TTC7A: variants seen among roughly 807,000 people sequenced by gnomAD.
TTC7A encodes the protein tetratricopeptide repeat protein 7A.
A neutral mutation model predicts 103.7 loss-of-function variants in TTC7A; 110 were observed. That is an observed-to-expected ratio of 1.06 (90% CI 0.91 to 1.24). The LOEUF (loss-of-function observed/expected upper bound fraction) is 1.24. Among genes scored for constraint, TTC7A ranks in the 50% most tolerant of loss-of-function variants. The pLI, the probability that TTC7A is intolerant of heterozygous loss-of-function variation, is 0.00. For synonymous variants in TTC7A, 521 were observed against 467.9 expected (o/e 1.11, Z -1.47); for missense variants, 1,340 against 1,116.3 (o/e 1.20, Z -2.86).
intron 1 of TTC7A, among the ~76,000 whole-genome samples, chr2:46,943,977 G>T (rs1350336158): frequency 6.6e-6 from 1 of 152,218 alleles, no homozygotes; most frequent in Non-Finnish European, 1.5e-5. Context: ...AGGGATGAAA[G>T]ATCAGGAGAT....
chr2:46,936,949 G>T (rs1670009514), upstream of TTC7A, among the ~76,000 whole-genome samples: 3 of 151,820 alleles, frequency 2.0e-5, no homozygotes, highest in South Asian at 6.2e-4. Context: ...CTGCCTCCTG[G>T]GCTCAAGCGA....
In TTC7A at chr2:46,941,624, G is replaced by T. The variant is rs767573424; in HGVS notation, c.83G>T (p.Arg28Leu). The T allele has an allele frequency of 1.3e-6, 2 of 1,555,050 alleles. No homozygotes were observed. Among genetic ancestry groups the T allele is most frequent in the African/African-American group, 1.4e-5 (1 of 73,370 alleles). ...TGCCGCGCCGAGGGCCACTGGGACC[G>T]CATGCCGGAGCTGGTCCGGCAGCTG... ...ERCRAEGHWD[R>L]MPELVRQLQT... is the part of the protein sequence containing the mutation. The change falls in exon 1 of 20, where the codon CGC (arginine) becomes CTC (leucine). Residue 28 changes from arginine to leucine, a missense_variant. Arg to Leu is a moderately radical substitution (Grantham distance 102). Coordinates refer to ENST00000319190, the MANE Select transcript of TTC7A (RefSeq NM_020458.4). This position sits in a 1 kb window ranked among gnomAD's most constrained non-coding sequence, Gnocchi z 4.2.
intron 2 of TTC7A, among the ~76,000 whole-genome samples, chr2:46,919,340 C>G (rs993303567): frequency 6.6e-6 from 1 of 152,144 alleles, no homozygotes; most frequent in Non-Finnish European, 1.5e-5. Flanking sequence ...TCGAGACCAG[C>G]CTGGCCAGCA....
chr2:47,046,160 G>A (rs1008939570), intron 15 of TTC7A, among the ~76,000 whole-genome samples, 155 bp from the exon 16 acceptor site: 5 of 152,232 alleles, frequency 3.3e-5, no homozygotes, highest in African/African-American at 9.6e-5. Flanking sequence ...GAAAGCAAGC[G>A]GTCCAGGGGC....
chr2:46,989,800 G>T (rs183050251), intron 5 of TTC7A, among the ~76,000 whole-genome samples: 1 of 103,852 alleles, frequency 9.6e-6, no homozygotes, highest in Non-Finnish European at 2.0e-5. Flanking sequence ...CTTTAATTGC[G>T]TGTGTGTGTG....
chr2:46,938,562 T>G (rs1311397308), upstream of TTC7A, among the ~76,000 whole-genome samples: 1 of 152,216 alleles, frequency 6.6e-6, no homozygotes, highest in Non-Finnish European at 1.5e-5. Context: ...TTTTTCCTTC[T>G]AGTCCCTGAG....
chr2:47,021,622 T>A (rs1217292957), intron 11 of TTC7A, among the ~76,000 whole-genome samples: 3 of 152,180 alleles, frequency 2.0e-5, no homozygotes, highest in African/African-American at 7.2e-5. Context: ...CACAGGCCCC[T>A]ACAGAGGCCA....
At chr2:46,974,926 A>T in intron 3 of TTC7A, 47 bp from the exon 4 acceptor site, 1 of 1,597,862 alleles carries the variant, frequency 6.3e-7, no homozygotes, top group Non-Finnish European at 8.5e-7. Flanking sequence ...GCCTGGAGTC[A>T]GGGGGCCCGA....
intron 2 of TTC7A, among the ~76,000 whole-genome samples, chr2:46,921,299 C>T (rs1263305788): frequency 1.3e-5 from 2 of 152,112 alleles, no homozygotes; most frequent in African/African-American, 4.8e-5. Context: ...GCTACTAGAG[C>T]TATTGATTTA....
chr2:46,948,389 A>G (rs1671116683), intron 1 of TTC7A, among the ~76,000 whole-genome samples: 2 of 152,204 alleles, frequency 1.3e-5, no homozygotes, highest in South Asian at 4.1e-4. Flanking sequence ...ATTACCCTAG[A>G]GGTTCTACCA....
chr2:46,922,536 T>A (rs1669158405), intron 2 of TTC7A, among the ~76,000 whole-genome samples: 1 of 138,426 alleles, frequency 7.2e-6, no homozygotes, highest in African/African-American at 3.2e-5. Context: ...TCAGGGAAAA[T>A]TTTTTTTTCC....
intron 14 of TTC7A, 27 bp from the exon 15 acceptor site, chr2:47,029,197 G>C (rs769084567): frequency 2.5e-6 from 4 of 1,612,056 alleles, no homozygotes; most frequent in East Asian, 2.2e-5. Flanking sequence ...GCCTGGGGAA[G>C]GCTAACCTGG....
At chr2:46,983,688 T>C (rs1674715475) in intron 5 of TTC7A, among the ~76,000 whole-genome samples, 1 of 152,242 alleles carries the variant, frequency 6.6e-6, no homozygotes, top group African/African-American at 2.4e-5. Context: ...AATAAACTTC[T>C]GTTAGAACAC....
intron 18 of TTC7A, among the ~76,000 whole-genome samples, chr2:47,058,814 T>TG: frequency 6.6e-6 from 1 of 152,168 alleles, no homozygotes; most frequent in Non-Finnish European, 1.5e-5. Context: ...TGTGTGTGTG[T>TG]GGGGGCTGGC....
intron 15 of TTC7A, among the ~76,000 whole-genome samples, chr2:47,042,749 G>A (rs956105764): frequency 1.3e-5 from 2 of 152,102 alleles, no homozygotes; most frequent in Admixed American, 1.3e-4. Context: ...CACAGTGCCA[G>A]ACATTCAGAG....
intron 17 of TTC7A, chr2:47,050,819 A>G (rs1259506685): frequency 2.0e-5 from 3 of 152,234 alleles, no homozygotes; most frequent in African/African-American, 4.8e-5. Context: ...CTCCCTTGCA[A>G]TTAAAGAAGG....
intron 14 of TTC7A, among the ~76,000 whole-genome samples, chr2:47,026,406 G>A (rs1057025892): frequency 6.6e-6 from 1 of 152,224 alleles, no homozygotes; most frequent in Non-Finnish European, 1.5e-5. Context: ...GGTGCCCGGG[G>A]AGAACTCCGG....
At chr2:46,950,594 C>T in intron 2 of TTC7A, 68 bp downstream of exon 2, 4 of 1,522,556 alleles carry the variant, frequency 2.6e-6, no homozygotes, top group Non-Finnish European at 3.6e-6. Context: ...CTGTCCAGTC[C>T]TCCCTGAGTC....
chr2:46,974,669 TTC>T (rs1168210622), intron 3 of TTC7A: 2 of 498,888 alleles, frequency 4.0e-6, no homozygotes, highest in Non-Finnish European at 7.8e-6. Context: ...AAAAACCTCA[TTC>T]TCTTTCGCTT....
Sources: allele counts gnomAD v4.1 joint callset (sites outside exome capture counted in the v4.1 genomes callset), GRCh38; gene constraint gnomAD v4.1.1; non-coding constraint Gnocchi (gnomAD v3.1); transcripts MANE v1.5; gene names NCBI Gene and HGNC (gene_info 2026-07-23, HGNC 2026-07-21).